GNB1: variants seen among roughly 807,000 people sequenced by gnomAD.
The protein encoded by GNB1 is guanine nucleotide-binding protein G(I)/G(S)/G(T) subunit beta-1.
In GNB1, 2 loss-of-function variants were observed where a neutral mutation model predicts 42.9. The ratio of observed to expected loss-of-function variants is 0.05; its 90% CI spans 0.02 to 0.15. The LOEUF is 0.15. GNB1 is among the 10% of genes least tolerant of loss of function. GNB1 has a pLI of 1.00. For missense variants in GNB1, 193 were observed against 462.2 expected (o/e 0.42, Z 5.34); for synonymous variants, 183 against 174.7 (o/e 1.05, Z -0.38).
At chr1:1,863,021 C>T (rs1397515341) in intron 1 of GNB1, among the ~76,000 whole-genome samples, 1 of 152,208 alleles carries the variant, frequency 6.6e-6, no homozygotes, top group Non-Finnish European at 1.5e-5. Context: ...GAGCACAGTG[C>T]TAGACCCAGG....
chr1:1,795,564 A>G (rs1240018020), intron 7 of GNB1, among the ~76,000 whole-genome samples: 2 of 152,098 alleles, frequency 1.3e-5, no homozygotes, highest in Non-Finnish European at 2.9e-5. Context: ...CCTGGCCAAC[A>G]TGGTGAAACC....
intron 7 of GNB1, chr1:1,793,982 A>G (rs1457598762): frequency 6.6e-6 from 1 of 152,574 alleles, no homozygotes; most frequent in African/African-American, 2.4e-5. Context: ...GCATGGCAGC[A>G]ACACTGCAGA....
At chr1:1,881,885 G>T (rs565000494) in intron 1 of GNB1, among the ~76,000 whole-genome samples, 2 of 152,208 alleles carry the variant, frequency 1.3e-5, no homozygotes, top group African/African-American at 4.8e-5. Flanking sequence ...CCAGTTGGTT[G>T]CCGGATGAAA....
At chr1:1,829,072 T>C (rs1280479809) in intron 2 of GNB1, among the ~76,000 whole-genome samples, 1 of 152,244 alleles carries the variant, frequency 6.6e-6, no homozygotes, top group Admixed American at 6.5e-5. Flanking sequence ...CTTTTCTTTT[T>C]TGAGACGGAG....
chr1:1,869,776 C>G (rs1328501610), intron 1 of GNB1, among the ~76,000 whole-genome samples: 1 of 152,168 alleles, frequency 6.6e-6, no homozygotes, highest in Non-Finnish European at 1.5e-5. Context: ...TATTTATATT[C>G]CATTTATCAA....
At chr1:1,855,268 C>T (rs1018536162) in intron 1 of GNB1, among the ~76,000 whole-genome samples, 4 of 147,776 alleles carry the variant, frequency 2.7e-5, no homozygotes, top group African/African-American at 1.0e-4. Context: ...CTGCAGTGAG[C>T]TGAGATCGCC....
intron 1 of GNB1, among the ~76,000 whole-genome samples, chr1:1,868,120 C>A (rs935001500): frequency 2.0e-5 from 3 of 152,136 alleles, no homozygotes; most frequent in African/African-American, 7.2e-5. Flanking sequence ...TATTCAAGTT[C>A]TCTTTCACCT....
chr1:1,847,184 G>C (rs139797668), intron 1 of GNB1, among the ~76,000 whole-genome samples: 1 of 152,158 alleles, frequency 6.6e-6, no homozygotes, highest in Non-Finnish European at 1.5e-5. Flanking sequence ...AAATGCAGCC[G>C]GGTTTATGAT....
chr1:1,816,209 C>T (rs189827367), intron 4 of GNB1, among the ~76,000 whole-genome samples: 3 of 152,278 alleles, frequency 2.0e-5, no homozygotes, highest in Non-Finnish European at 2.9e-5. Flanking sequence ...TTTGAGATCT[C>T]GCAACTCTTC....
intron 1 of GNB1, among the ~76,000 whole-genome samples, chr1:1,867,308 A>G (rs1349379173): frequency 1.3e-5 from 2 of 152,212 alleles, no homozygotes; most frequent in Non-Finnish European, 2.9e-5. Flanking sequence ...TTGGGCTGCA[A>G]TGCGGCCCAC....
intron 1 of GNB1, among the ~76,000 whole-genome samples, chr1:1,857,051 T>G (rs1389581094): frequency 6.6e-6 from 1 of 152,176 alleles, no homozygotes; most frequent in Non-Finnish European, 1.5e-5. Context: ...TGTCTCAAAA[T>G]CCTGCTGATT....
At chr1:1,798,907 C>A (rs972889017) in intron 7 of GNB1, among the ~76,000 whole-genome samples, 43 of 150,726 alleles carry the variant, frequency 2.9e-4, no homozygotes, top group African/African-American at 9.9e-4. Context: ...CCCTATGTCA[C>A]CCAGACTCAC....
At chr1:1,794,793 G>A (rs922562222) in intron 7 of GNB1, among the ~76,000 whole-genome samples, 6 of 152,140 alleles carry the variant, frequency 3.9e-5, no homozygotes, top group Admixed American at 6.5e-5. Context: ...CAGGTCAAGC[G>A]ATTCTCCTGC....
At chr1:1,836,959 T>G (rs1416421197) in intron 2 of GNB1, among the ~76,000 whole-genome samples, 1 of 151,538 alleles carries the variant, frequency 6.6e-6, no homozygotes, top group Non-Finnish European at 1.5e-5. Context: ...AGTGCTGGGA[T>G]TACAGGTGTT....
rs1371423792 is a variant in GNB1 at position 1,787,469 on chromosome 1, A to T, written c.917-32T>A. 5.4e-6 allele frequency: 7 copies of T among 1,306,816 alleles called. No homozygotes were observed. Among genetic ancestry groups the T allele is most frequent in the Non-Finnish European group, 6.7e-6 (6 of 901,442 alleles). The allele number at this position is 1,306,816 out of a possible 1,614,324, so 81.0% of individuals were successfully genotyped here. ...GCAAACAACAGCAGAATCACACCAA[A>T]GCCCAGAGGCATCGATCTCACCTGT... On this transcript the variant is annotated intron_variant, in intron 10 of 11. Coordinates refer to ENST00000378609, the MANE Select transcript of GNB1 (RefSeq NM_002074.5). The surrounding 1 kb of genome is among the most constrained non-coding windows in gnomAD (Gnocchi z 4.4).
At chr1:1,877,515 A>T (rs961636964) in intron 1 of GNB1, among the ~76,000 whole-genome samples, 2 of 151,722 alleles carry the variant, frequency 1.3e-5, no homozygotes, top group Non-Finnish European at 1.5e-5. Flanking sequence ...TTATTTTTTT[A>T]AAAATAGAGA....
At position 1,790,832 on chromosome 1, in the gene GNB1, C is replaced by T. The variant is rs576608739; in HGVS notation, c.498-236G>A. On this transcript the variant is annotated intron_variant, in intron 8 of 11. Coordinates refer to ENST00000378609, the MANE Select transcript of GNB1 (RefSeq NM_002074.5). This position sits in a 1 kb window ranked among gnomAD's most constrained non-coding sequence, Gnocchi z 5.4. ...GCACAGGGCCTGGGCTTCAGAATGA[C>T]GGGATCGCTACCTCAACTCAAATGC... 3.9e-5 allele frequency among the ~76,000 whole-genome samples: 6 copies of T among 152,278 alleles called. No homozygotes were observed. Among genetic ancestry groups the T allele is most frequent in the Admixed American group, 6.5e-5 (1 of 15,300 alleles).
chr1:1,790,957 G>A lies in GNB1; in HGVS notation c.498-361C>T, dbSNP rs1339353792. On this transcript the variant is annotated intron_variant, in intron 8 of 11. Transcript: ENST00000378609. The surrounding 1 kb of genome is among the most constrained non-coding windows in gnomAD (Gnocchi z 5.4). ...CATGGAAGGGGTGGCAGGAAGCTACGTGGAGGCCCTGGATGGCGGAGGGGA... is the reference window on the plus strand; with the variant it reads ...CATGGAAGGGGTGGCAGGAAGCTACATGGAGGCCCTGGATGGCGGAGGGGA... Among the ~76,000 whole-genome samples, 1 of 152,072 alleles carries A rather than the reference G, an allele frequency of 6.6e-6. No homozygotes were observed. The highest frequency in any genetic ancestry group is 1.5e-5 in the Non-Finnish European group (1 of 68,016).
At chr1:1,829,332 G>C (rs999737103) in intron 2 of GNB1, among the ~76,000 whole-genome samples, 1 of 152,138 alleles carries the variant, frequency 6.6e-6, no homozygotes, top group South Asian at 2.1e-4. Flanking sequence ...CGGGATTACA[G>C]GTATGAGCCA....
Sources: gnomAD v4.1 joint callset for allele counts (sites outside exome capture counted in the v4.1 genomes callset) on GRCh38, gnomAD v4.1.1 for gene constraint, Gnocchi (gnomAD v3.1) non-coding constraint, MANE v1.5 for transcripts, NCBI Gene and HGNC (gene_info 2026-07-23, HGNC 2026-07-21) for gene names.